The following DAB1 variants were observed in gnomAD, a reference collection of about 807,000 sequenced individuals.
DAB1 encodes the protein DAB adaptor protein 1.
DAB1 carries 15 observed loss-of-function variants against 64.6 expected under a neutral mutation model. The observed-to-expected ratio is 0.23, with a 90% CI of 0.16 to 0.36. The LOEUF (loss-of-function observed/expected upper bound fraction) is 0.36, where lower values mean the gene tolerates loss of function less well. Ranked by LOEUF, DAB1 falls within the 10% of genes least tolerant of loss-of-function variation. DAB1 has a pLI of 1.00. For synonymous variants in DAB1, 235 were observed against 251.9 expected, an observed-to-expected ratio of 0.93 and a Z score of 0.64; for missense variants, 596 against 706.7, an observed-to-expected ratio of 0.84 and a Z score of 1.78.
chr1:58,143,477 C>T, intron 5 of DAB1, among the ~76,000 whole-genome samples: 1 of 152,122 alleles, frequency 6.6e-6, no homozygotes, highest in East Asian at 1.9e-4. Context: ...AAATATTTAC[C>T]ACCAGAAGTT....
intron 4 of DAB1, among the ~76,000 whole-genome samples, chr1:58,295,751 G>C (rs916414854): frequency 6.6e-6 from 1 of 152,054 alleles, no homozygotes; most frequent in African/African-American, 2.4e-5. Context: ...TTAAACACTG[G>C]AACGCAAGGG....
At chr1:57,173,765 G>T (rs1288930691) in intron 2 of DAB1, among the ~76,000 whole-genome samples, 2 of 152,056 alleles carry the variant, frequency 1.3e-5, no homozygotes, top group East Asian at 1.9e-4. Context: ...AGATAAAGAG[G>T]ATTTGATTCT....
intron 7 of DAB1, among the ~76,000 whole-genome samples, chr1:57,514,802 T>C (rs1287554895): frequency 1.3e-5 from 2 of 152,206 alleles, no homozygotes; most frequent in Non-Finnish European, 2.9e-5. Context: ...CCCTGTCACC[T>C]TGGGCAAGGA....
intron 1 of DAB1, among the ~76,000 whole-genome samples, chr1:57,336,609 T>C (rs1157809358): frequency 6.6e-6 from 1 of 152,164 alleles, no homozygotes; most frequent in Non-Finnish European, 1.5e-5. Context: ...CTTATCACCG[T>C]TTCCTTTTTA....
chr1:57,780,414 A>G (rs1650007318), intron 6 of DAB1, among the ~76,000 whole-genome samples: 1 of 152,168 alleles, frequency 6.6e-6, no homozygotes, highest in Non-Finnish European at 1.5e-5. Context: ...GCCCTGTCAG[A>G]GAGGGCTGTT....
In DAB1 at chr1:58,267,867, G is replaced by A. The variant is rs767052796; in HGVS notation, n.309+75485C>T. Among the ~76,000 whole-genome samples, 11 of 151,906 alleles carry A rather than the reference G, an allele frequency of 7.2e-5. No homozygotes were observed. In the East Asian group the frequency reaches 7.7e-4, roughly 11 times the overall value. On this transcript the variant is annotated intron_variant and non_coding_transcript_variant, in intron 4 of 20. Transcript: ENST00000485760. ...TCTCATCTGTTCCAAGAAACCTTGCGTCCCCTTCTCTATGTTTATATCCCC... is the reference window on the plus strand; with the variant it reads ...TCTCATCTGTTCCAAGAAACCTTGCATCCCCTTCTCTATGTTTATATCCCC...
intron 3 of DAB1, among the ~76,000 whole-genome samples, chr1:58,495,232 A>C (rs1645777260): frequency 6.6e-6 from 1 of 152,152 alleles, no homozygotes; most frequent in South Asian, 2.1e-4. Context: ...GAACACATGG[A>C]CACAGGAAGG....
chr1:58,375,998 A>T (rs996594361), intron 3 of DAB1, among the ~76,000 whole-genome samples: 2 of 149,964 alleles, frequency 1.3e-5, no homozygotes, highest in African/African-American at 4.9e-5. Context: ...CTCTGATGGT[A>T]GTTTGTATTT....
At chr1:57,081,920 T>C (rs1350376147) in intron 4 of DAB1, among the ~76,000 whole-genome samples, 1 of 152,212 alleles carries the variant, frequency 6.6e-6, no homozygotes, top group Non-Finnish European at 1.5e-5. Flanking sequence ...ACACAAATAC[T>C]TTAAAAACTT....
chr1:58,037,862 G>T (rs929624446), intron 5 of DAB1, among the ~76,000 whole-genome samples: 1 of 152,112 alleles, frequency 6.6e-6, no homozygotes, highest in African/African-American at 2.4e-5. Context: ...ATCAGTCTCA[G>T]TTTCAGGGTC....
chr1:58,170,730 G>A (rs1409621471), intron 4 of DAB1, among the ~76,000 whole-genome samples: 1 of 151,938 alleles, frequency 6.6e-6, no homozygotes, highest in South Asian at 2.1e-4. Context: ...CTGCCCCCTC[G>A]TCCATGTCTG....
At chr1:57,842,700 G>T (rs1653110001) in intron 1 of DAB1, among the ~76,000 whole-genome samples, 1 of 152,142 alleles carries the variant, frequency 6.6e-6, no homozygotes, top group South Asian at 2.1e-4. Flanking sequence ...GATCTTGTTA[G>T]AACTCACTCA....
At chr1:57,686,465 C>T (rs771887716) in intron 6 of DAB1, among the ~76,000 whole-genome samples, 31 of 152,108 alleles carry the variant, frequency 2.0e-4, no homozygotes, top group Admixed American at 2.0e-3. Flanking sequence ...CCAAATTATA[C>T]AAGATGTACA....
intron 6 of DAB1, among the ~76,000 whole-genome samples, chr1:57,686,220 C>T (rs1227128427): frequency 6.6e-6 from 1 of 152,092 alleles, no homozygotes; most frequent in Non-Finnish European, 1.5e-5. Context: ...GATGACATTA[C>T]AACCAATCCC....
At chr1:57,590,104 C>T (rs1645426121) in intron 7 of DAB1, among the ~76,000 whole-genome samples, 1 of 151,956 alleles carries the variant, frequency 6.6e-6, no homozygotes, top group Admixed American at 6.6e-5. Flanking sequence ...GGCTAGAAGT[C>T]CAAGATCAAG....
intron 4 of DAB1, among the ~76,000 whole-genome samples, chr1:58,240,492 T>C (rs896620045): frequency 6.6e-6 from 1 of 152,228 alleles, no homozygotes; most frequent in Non-Finnish European, 1.5e-5. Context: ...CTCAGACTTT[T>C]ATGAGACTGA....
chr1:57,696,092 CCTT>C (rs1029724217), intron 6 of DAB1, among the ~76,000 whole-genome samples: 81 of 152,174 alleles, frequency 5.3e-4, no homozygotes, highest in African/African-American at 1.7e-3. Context: ...TCCTCTTCCT[CCTT>C]CTTCTGTTCA....
At chr1:57,529,065 T>C (rs1045488953) in intron 7 of DAB1, among the ~76,000 whole-genome samples, 3 of 151,966 alleles carry the variant, frequency 2.0e-5, no homozygotes, top group Admixed American at 6.6e-5. Context: ...TACATGACAA[T>C]AGATCACAAA....
At chr1:57,051,035 T>G (rs1649135238) in intron 9 of DAB1, among the ~76,000 whole-genome samples, 1 of 152,232 alleles carries the variant, frequency 6.6e-6, no homozygotes, top group East Asian at 1.9e-4. Context: ...GAGAGATTCT[T>G]GCATTGGAGG....
Sources: allele counts gnomAD v4.1 joint callset (sites outside exome capture counted in the v4.1 genomes callset), GRCh38; gene constraint gnomAD v4.1.1; transcripts MANE v1.5; gene names NCBI Gene and HGNC (gene_info 2026-07-23, HGNC 2026-07-21).